Variants in ZRANB3 observed in about 807,000 individuals in gnomAD.
ZRANB3 encodes DNA annealing helicase and endonuclease ZRANB3.
Under a neutral mutation model 133.8 loss-of-function variants are expected in ZRANB3, and 125 were observed. The observed-to-expected ratio is 0.93, with a 90% CI of 0.81 to 1.08. The LOEUF is 1.08. ZRANB3 is among the 50% of genes least tolerant of loss of function. The pLI is 0.00. For synonymous variants in ZRANB3, 387 were observed against 432.7 expected (o/e 0.89, Z 1.31); for missense variants, 1,229 against 1,275.5 (o/e 0.96, Z 0.56).
intron 3 of ZRANB3, among the ~76,000 whole-genome samples, chr2:135,377,178 G>A (rs2104906803): frequency 6.6e-6 from 1 of 152,332 alleles, no homozygotes; most frequent in South Asian, 2.1e-4. Flanking sequence ...TACTTAATGT[G>A]TGTGCATAGC....
chr2:135,402,994 G>A (rs758825664), intron 2 of ZRANB3, among the ~76,000 whole-genome samples: 3 of 152,128 alleles, frequency 2.0e-5, no homozygotes, highest in Non-Finnish European at 2.9e-5. Context: ...TGGCCAAATA[G>A]GAACCGCTCC....
chr2:135,202,984 C>A, intron 19 of ZRANB3, 21 bp from the exon 20 acceptor site: 1 of 1,606,758 alleles, frequency 6.2e-7, no homozygotes, highest in Non-Finnish European at 8.5e-7. Context: ...AATACAAGAT[C>A]AGCAATTTTC....
rs1334264785 is a variant in ZRANB3 at position 135,227,893 on chromosome 2, C to G, written c.2077G>C (p.Glu693Gln). ...TTGCTGTCAGCCAACTGGCCAGGTT[C>G]TGACTGTGCAAGGGCTTGTTTTTCA... is the stretch of plus-strand genomic sequence containing the variant. ...DCEKQALAQS[E>Q]PGQLADSKEE... Residue 693 changes from glutamate (E) to glutamine (Q), a missense_variant, in exon 14 of 21, where the codon GAA becomes CAA. Coordinates refer to ENST00000264159, the MANE Select transcript of ZRANB3 (RefSeq NM_032143.4). 1.3e-6 allele frequency: 2 copies of G among 1,567,600 alleles called. No individual in the cohort carries two copies. Among genetic ancestry groups the G allele is most frequent in the Admixed American group, 3.8e-5 (2 of 52,802 alleles).
At chr2:135,227,194 T>C (rs1001347629) in intron 14 of ZRANB3, among the ~76,000 whole-genome samples, 2 of 152,202 alleles carry the variant, frequency 1.3e-5, no homozygotes, top group Non-Finnish European at 2.9e-5. Context: ...TCTTGCCAGC[T>C]AGCCCATAAA....
intron 6 of ZRANB3, among the ~76,000 whole-genome samples, chr2:135,339,248 T>A (rs971487539): frequency 6.6e-6 from 1 of 152,046 alleles, no homozygotes; most frequent in African/African-American, 2.4e-5. Flanking sequence ...CCGTCTCTAC[T>A]AAAAATACAA....
intron 2 of ZRANB3, among the ~76,000 whole-genome samples, chr2:135,415,365 G>C (rs1479720480): frequency 3.5e-4 from 54 of 152,176 alleles, no homozygotes; most frequent in Non-Finnish European, 5.1e-4. Context: ...AGAAGAAATG[G>C]ATAAATTCCT....
chr2:135,365,979 T>C (rs1315566303), intron 3 of ZRANB3, among the ~76,000 whole-genome samples: 1 of 152,210 alleles, frequency 6.6e-6, no homozygotes, highest in Non-Finnish European at 1.5e-5. Flanking sequence ...ACACCACTTA[T>C]TTGTAACAAA....
intron 2 of ZRANB3, among the ~76,000 whole-genome samples, chr2:135,501,630 G>A (rs1692951445): frequency 6.6e-6 from 1 of 152,034 alleles, no homozygotes; most frequent in African/African-American, 2.4e-5. Flanking sequence ...CTTTCAGATG[G>A]TATAGTTATT....
At chr2:135,210,372 T>C (rs1694044694) in intron 17 of ZRANB3, among the ~76,000 whole-genome samples, 1 of 152,188 alleles carries the variant, frequency 6.6e-6, no homozygotes, top group Non-Finnish European at 1.5e-5. Context: ...TCTCACTCTG[T>C]TGCCCAGGCT....
At chr2:135,413,635 A>G (rs1400555700) in intron 2 of ZRANB3, among the ~76,000 whole-genome samples, 1 of 152,172 alleles carries the variant, frequency 6.6e-6, no homozygotes, top group Non-Finnish European at 1.5e-5. Context: ...TAGGGTATTT[A>G]TAATTATATG....
At chr2:135,367,024 A>T (rs1685970799) in intron 3 of ZRANB3, among the ~76,000 whole-genome samples, 1 of 152,038 alleles carries the variant, frequency 6.6e-6, no homozygotes, top group African/African-American at 2.4e-5. Flanking sequence ...CCATCTCAAA[A>T]AATAATAATA....
chr2:135,347,255 TG>T (rs1684978396), intron 5 of ZRANB3, among the ~76,000 whole-genome samples: 1 of 151,952 alleles, frequency 6.6e-6, no homozygotes, highest in African/African-American at 2.4e-5. Flanking sequence ...ACTATACACA[TG>T]AGTATATAAT....
intron 2 of ZRANB3, among the ~76,000 whole-genome samples, chr2:135,490,917 A>G (rs1223881033): frequency 2.0e-5 from 3 of 152,156 alleles, no homozygotes; most frequent in Non-Finnish European, 4.4e-5. Context: ...GTTCGCACTC[A>G]TATGTGGGAG....
At chr2:135,244,711 T>C (rs1343949130) in intron 12 of ZRANB3, among the ~76,000 whole-genome samples, 2 of 152,218 alleles carry the variant, frequency 1.3e-5, no homozygotes, top group South Asian at 2.1e-4. Context: ...AGCTTTACAG[T>C]TGATCTTCTT....
intron 1 of ZRANB3, among the ~76,000 whole-genome samples, chr2:135,522,450 G>A (rs917515377): frequency 1.3e-5 from 2 of 152,160 alleles, no homozygotes; most frequent in South Asian, 4.1e-4. Context: ...GCCGGGTGGT[G>A]TGGGGCTGGT....
intron 8 of ZRANB3, among the ~76,000 whole-genome samples, chr2:135,307,248 T>C (rs1041501545): frequency 5.9e-5 from 9 of 152,066 alleles, no homozygotes; most frequent in African/African-American, 2.2e-4. Flanking sequence ...GCATTTTCAG[T>C]AGAGATGGGT....
At chr2:135,387,395 T>G (rs957968448) in intron 3 of ZRANB3, among the ~76,000 whole-genome samples, 11 of 152,220 alleles carry the variant, frequency 7.2e-5, no homozygotes, top group African/African-American at 2.7e-4. Context: ...ATAATTTACA[T>G]ATATAGAAGT....
chr2:135,522,272 C>T (rs1013994815), intron 1 of ZRANB3, among the ~76,000 whole-genome samples: 5 of 152,172 alleles, frequency 3.3e-5, no homozygotes, highest in African/African-American at 1.2e-4. Flanking sequence ...CTTCCTATTC[C>T]TCCCATTTGC....
chr2:135,413,016 A>G lies in ZRANB3; in HGVS notation c.162-22196T>C, dbSNP rs143433692. ...CTTTCCTGTATATTACTGATGTTTCATAATAGGTAAAAAGAACTAAAACAA... is the reference window on the plus strand; with the variant it reads ...CTTTCCTGTATATTACTGATGTTTCGTAATAGGTAAAAAGAACTAAAACAA... On this transcript the variant is annotated intron_variant, in intron 2 of 20. Transcript: ENST00000264159. 6.1e-3 allele frequency among the ~76,000 whole-genome samples: 928 copies of G among 152,302 alleles called. 8 individuals are homozygous for G. The highest frequency in any genetic ancestry group is 0.041 in the South Asian group (199 of 4,828).
Sources: gnomAD v4.1 joint callset for allele counts (sites outside exome capture counted in the v4.1 genomes callset) on GRCh38, gnomAD v4.1.1 for gene constraint, MANE v1.5 for transcripts, NCBI Gene and HGNC (gene_info 2026-07-23, HGNC 2026-07-21) for gene names.